The following NADSYN1 variants were observed in gnomAD, a reference collection of about 807,000 sequenced individuals.
The protein encoded by NADSYN1 is NAD synthetase 1, also known as glutamine-dependent NAD(+) synthetase.
In NADSYN1, 80 loss-of-function variants were observed where a neutral mutation model predicts 99.3. The observed-to-expected ratio is 0.81, with a 90% CI of 0.67 to 0.97. NADSYN1 has a LOEUF of 0.97. NADSYN1 is among the 50% of genes least tolerant of loss of function. NADSYN1 has a pLI of 0.00. For synonymous variants in NADSYN1, 385 were observed against 372.1 expected, an observed-to-expected ratio of 1.03 and a Z score of -0.40; for missense variants, 859 against 948.5, an observed-to-expected ratio of 0.91 and a Z score of 1.24.
At chr11:71,474,652 G>A in intron 9 of NADSYN1, 126 bp downstream of exon 9, 1 of 1,274,240 alleles carries the variant, frequency 7.8e-7, no homozygotes, top group East Asian at 2.4e-5. Flanking sequence ...GGTCCCGCCT[G>A]CTCCTGGCTC....
At chr11:71,473,423 G>A (rs1591127093) in intron 7 of NADSYN1, 57 bp downstream of exon 7, 1 of 1,581,060 alleles carries the variant, frequency 6.3e-7, no homozygotes. Context: ...CCAGCTGGGA[G>A]GACCTGGGAC....
intron 12 of NADSYN1, 175 bp from the exon 13 acceptor site, chr11:71,481,748 A>G (rs1164411136): frequency 3.2e-6 from 2 of 620,114 alleles, no homozygotes; most frequent in African/African-American, 1.8e-5. Context: ...TTTCCCTCTG[A>G]AAAATCCATT....
intron 11 of NADSYN1, 28 bp from the exon 12 acceptor site, chr11:71,481,328 C>T (rs374704356): frequency 2.5e-5 from 41 of 1,612,908 alleles, no homozygotes; most frequent in South Asian, 4.4e-5. Flanking sequence ...CCACCGCCTC[C>T]GGGCTCCATG....
chr11:71,500,040 C>T (rs1382598282), intron 20 of NADSYN1: 1 of 152,138 alleles, frequency 6.6e-6, no homozygotes, highest in Non-Finnish European at 1.5e-5. Context: ...TGTCGCAAAA[C>T]AAAATTTAAA....
intron 9 of NADSYN1, chr11:71,476,773 G>A (rs1949669499): frequency 3.0e-6 from 3 of 985,708 alleles, no homozygotes; most frequent in Non-Finnish European, 3.6e-6. Flanking sequence ...CAGGTGTGTT[G>A]GCAATCAATC....
intron 9 of NADSYN1, chr11:71,474,870 C>T (rs906003358): frequency 1.7e-5 from 6 of 362,292 alleles, no homozygotes; most frequent in East Asian, 1.4e-4. Context: ...AGCTGAACCC[C>T]GACACACAGC....
intron 9 of NADSYN1, chr11:71,476,085 G>A (rs1466451198): frequency 2.2e-6 from 1 of 456,250 alleles, no homozygotes. Context: ...AATCCCAAGT[G>A]CACAAATACA....
chr11:71,473,125 C>T lies in NADSYN1; in HGVS notation c.460-153C>T, dbSNP rs527961621. On this transcript the variant is annotated intron_variant, in intron 6 of 20. Coordinates refer to ENST00000319023, the MANE Select transcript of NADSYN1 (RefSeq NM_018161.5). ...GCCTGGCACCACCCGGTGTCCCATGCGCAGCCGCAGGGCACCCACCTCTTC... is the reference window on the plus strand; with the variant it reads ...GCCTGGCACCACCCGGTGTCCCATGTGCAGCCGCAGGGCACCCACCTCTTC... Among the ~76,000 whole-genome samples, 9 of 152,376 alleles carry T rather than the reference C, an allele frequency of 5.9e-5. No homozygotes were observed. The South Asian group carries it at 6.2e-4, about 11-fold the overall frequency.
At chr11:71,492,518 T>C (rs1251647782) in intron 18 of NADSYN1, among the ~76,000 whole-genome samples, 3 of 152,254 alleles carry the variant, frequency 2.0e-5, no homozygotes, top group Non-Finnish European at 4.4e-5. Flanking sequence ...CACCATTTGC[T>C]GAAAGGATGA....
chr11:71,464,405 G>A (rs778961747), intron 5 of NADSYN1: 8 of 400,530 alleles, frequency 2.0e-5, no homozygotes, highest in Admixed American at 7.9e-5. Flanking sequence ...ATGTCCCGGG[G>A]TTTAAATATC....
chr11:71,483,247 C>G (rs1253163792), intron 14 of NADSYN1, among the ~76,000 whole-genome samples: 1 of 152,136 alleles, frequency 6.6e-6, no homozygotes, highest in Non-Finnish European at 1.5e-5. Flanking sequence ...TAAATGTGCA[C>G]CTAGGAGCTT....
At chr11:71,476,130 C>T (rs1282826051) in intron 9 of NADSYN1, 5 of 456,118 alleles carry the variant, frequency 1.1e-5, no homozygotes, top group South Asian at 1.5e-5. Context: ...CCCAAGCCGG[C>T]GTGGGTGGGA....
chr11:71,473,572 G>A lies in NADSYN1; in HGVS notation c.552G>A (p.Pro184=), dbSNP rs764130869. The A allele has an allele frequency of 1.9e-6, 3 of 1,609,090 alleles. No individual in the cohort carries two copies. Among genetic ancestry groups the A allele is most frequent in the Non-Finnish European group, 1.7e-6 (2 of 1,176,958 alleles). Residue 184 remains proline, a synonymous_variant, in exon 8 of 21, where the codon CCG becomes CCA. Coordinates refer to ENST00000319023, the MANE Select transcript of NADSYN1 (RefSeq NM_018161.5). ...ICEELWTPHS[P]HIDMGLDGVE... ...CTTCACCTGCCTCTGCCTGCAGCCC[G>A]CACATCGACATGGGCCTGGATGGCG...
chr11:71,491,978 A>G, intron 18 of NADSYN1, 75 bp downstream of exon 18: 2 of 1,401,692 alleles, frequency 1.4e-6, no homozygotes, highest in Non-Finnish European at 9.9e-7. Flanking sequence ...GGCTCTTCCT[A>G]CCTCCCTCCT....
At chr11:71,454,043 A>T (rs1394581452) in intron 1 of NADSYN1, among the ~76,000 whole-genome samples, 1 of 152,122 alleles carries the variant, frequency 6.6e-6, no homozygotes, top group Non-Finnish European at 1.5e-5. Flanking sequence ...ACCGTGGAGG[A>T]TGAAAAGTTA....
intron 2 of NADSYN1, among the ~76,000 whole-genome samples, chr11:71,458,040 A>G (rs890065368): frequency 6.6e-6 from 1 of 152,158 alleles, no homozygotes; most frequent in Non-Finnish European, 1.5e-5. Flanking sequence ...CTGAATGGTT[A>G]TTAGTGATCT....
At chr11:71,453,861 G>C (rs1291371223) in intron 1 of NADSYN1, among the ~76,000 whole-genome samples, 5 of 152,146 alleles carry the variant, frequency 3.3e-5, no homozygotes, top group Non-Finnish European at 5.9e-5. Context: ...CAGCATTTTG[G>C]GGGGGCCGGA....
At chr11:71,464,287 AG>A (rs1949572748) in intron 5 of NADSYN1, 145 bp downstream of exon 5, 1 of 663,514 alleles carries the variant, frequency 1.5e-6, no homozygotes, top group Admixed American at 2.9e-5. Flanking sequence ...AAAAGCACAA[AG>A]AAAGCCAAAA....
chr11:71,491,165 C>T (rs950501467), intron 17 of NADSYN1, among the ~76,000 whole-genome samples, 189 bp downstream of exon 17: 3 of 152,240 alleles, frequency 2.0e-5, no homozygotes, highest in Non-Finnish European at 2.9e-5. Flanking sequence ...CACAGCCCCC[C>T]GGCTCCGGCC....
Sources: allele counts gnomAD v4.1 joint callset (sites outside exome capture counted in the v4.1 genomes callset), GRCh38; gene constraint gnomAD v4.1.1; transcripts MANE v1.5; gene names NCBI Gene and HGNC (gene_info 2026-07-23, HGNC 2026-07-21).